Variants in MYORG observed in about 807,000 individuals in gnomAD.
The protein encoded by MYORG is alpha-galactosidase MYORG.
MYORG carries 45 observed loss-of-function variants against 49.8 expected under a neutral mutation model. That is an observed-to-expected ratio of 0.90 (90% CI 0.71 to 1.16). MYORG has a LOEUF of 1.16. Among genes scored for constraint, MYORG ranks in the 50% most tolerant of loss-of-function variants. MYORG has a pLI of 0.00. For synonymous variants in MYORG, 552 were observed against 462.9 expected, an observed-to-expected ratio of 1.19 and a Z score of -2.47; for missense variants, 1,110 against 1,026.5, an observed-to-expected ratio of 1.08 and a Z score of -1.11.
rs372192401 is a variant in MYORG at position 34,372,994 on chromosome 9, A to G, written c.-51T>C. 8.5e-5 allele frequency: 134 copies of G among 1,580,906 alleles called. No individual in the cohort carries two copies. In the Middle Eastern group the frequency reaches 9.2e-4, roughly 11 times the overall value. On this transcript the variant is annotated 5_prime_UTR_variant, in exon 2 of 2. The change abolishes an upstream ATG in the 5' untranslated region. Transcript: ENST00000297625. ...GCCGTGGGGCCATCTGACTGAGTTC[A>G]TCTCAACCTGCTCTGAAAGGAGGAG...
Position 34,371,453 on chromosome 9 carries a change from G to T in MYORG, c.1491C>A (p.Phe497Leu). The T allele has an allele frequency of 6.2e-7, 1 of 1,612,946 alleles. No homozygotes were observed. The highest frequency in any genetic ancestry group is 1.1e-5 in the South Asian group (1 of 91,088). Residue 497 changes from phenylalanine (F) to leucine (L), a missense_variant, in exon 2 of 2, where the codon TTC becomes TTA. Transcript: ENST00000297625. ...SRRYTEMALP[F>L]FSLAEVRVGY... is the part of the protein sequence containing the mutation. ...CTACGCGCACCTCCGCCAGCGAGAA[G>T]AAGGGCAGCGCCATCTCAGTGTAGC...
chr9:34,371,441 C>T lies in MYORG; in HGVS notation c.1503G>A (p.Ala501=). ...GTGACTGGTAGCCTACGCGCACCTCCGCCAGCGAGAAGAAGGGCAGCGCCA... is the reference window on the plus strand; with the variant it reads ...GTGACTGGTAGCCTACGCGCACCTCTGCCAGCGAGAAGAAGGGCAGCGCCA... ...TEMALPFFSL[A]EVRVGYQSQN... The change falls in exon 2 of 2, where the codon GCG becomes GCA. Residue 501 remains alanine (A), a synonymous_variant. Coordinates refer to ENST00000297625, the MANE Select transcript of MYORG (RefSeq NM_020702.5). 4 of 1,613,032 alleles carry T rather than the reference C, an allele frequency of 2.5e-6. No homozygotes were observed. The highest frequency in any genetic ancestry group is 3.4e-6 in the Non-Finnish European group (4 of 1,179,804).
In MYORG at chr9:34,371,323, C is replaced by G; in HGVS notation, c.1621G>C (p.Val541Leu). Residue 541 changes from valine (V) to leucine (L), a missense_variant, in exon 2 of 2, where the codon GTC becomes CTC. By Grantham distance (32) the Val-to-Leu change is conservative (BLOSUM62 1). Transcript: ENST00000297625. ...ATGAATGGGTAGCCCAGCATGCTGACGGTGAGCACCGCGGGGATGAGTGAG... is the reference window on the plus strand; with the variant it reads ...ATGAATGGGTAGCCCAGCATGCTGAGGGTGAGCACCGCGGGGATGAGTGAG... ...LRSLIPAVLT[V>L]SMLGYPFILP... 1 of 1,612,456 alleles carries G rather than the reference C, an allele frequency of 6.2e-7. No individual in the cohort carries two copies. The highest frequency in any genetic ancestry group is 2.2e-5 in the East Asian group (1 of 44,826).
rs771510611 is a variant in MYORG, at chr9:34,373,802, G to A, written c.-63-796C>T. Reference sequence around the variant, plus strand: ...GTAGGCTAGCTTCCCTGTCCCCAGAGGGGGAGAGGAGGGAGGAAGGGAGAA... The same window carrying A: ...GTAGGCTAGCTTCCCTGTCCCCAGAAGGGGAGAGGAGGGAGGAAGGGAGAA... On this transcript the variant is annotated intron_variant, in intron 1 of 1. Coordinates refer to ENST00000297625, the MANE Select transcript of MYORG (RefSeq NM_020702.5). Among the ~76,000 whole-genome samples, 9 of 152,210 alleles carry A rather than the reference G, an allele frequency of 5.9e-5. No individual in the cohort carries two copies. The South Asian group carries it at 6.2e-4, about 10-fold the overall frequency.
chr9:34,370,550 T>C lies in MYORG; in HGVS notation c.*249A>G. The C allele has an allele frequency of 1.9e-6, 1 of 531,344 alleles. No individual in the cohort carries two copies. The highest frequency in any genetic ancestry group is 3.1e-6 in the Non-Finnish European group (1 of 326,638). 32.9% of individuals were successfully genotyped at this position (531,344 alleles called of 1,614,324 possible). ...GCTTCCACCCCAGGGAAGAGGTTTCTGCAGATTGGTGTGAGTGTGGGGGTG... is the reference window on the plus strand; with the variant it reads ...GCTTCCACCCCAGGGAAGAGGTTTCCGCAGATTGGTGTGAGTGTGGGGGTG... On this transcript the variant is annotated 3_prime_UTR_variant, in exon 2 of 2. Coordinates refer to ENST00000297625, the MANE Select transcript of MYORG (RefSeq NM_020702.5).
Position 34,372,448 on chromosome 9 carries a change from C to T in MYORG, c.496G>A (p.Ala166Thr). The change falls in exon 2 of 2, where the codon GCA becomes ACA. Residue 166 changes from alanine to threonine, a missense_variant. Coordinates refer to ENST00000297625, the MANE Select transcript of MYORG (RefSeq NM_020702.5). ...VMCYRVRWEEAAPGRAVEHAM... is the reference protein window; with the variant it reads ...VMCYRVRWEETAPGRAVEHAM... ...TGCTCCACGGCCCGGCCCGGCGCTGCCTCCTCCCAGCGCACGCGGTAGCAC... is the reference window on the plus strand; with the variant it reads ...TGCTCCACGGCCCGGCCCGGCGCTGTCTCCTCCCAGCGCACGCGGTAGCAC... 6.3e-7 allele frequency: 1 copy of T among 1,584,736 alleles called. No homozygotes were observed. The highest frequency in any genetic ancestry group is 8.6e-7 in the Non-Finnish European group (1 of 1,166,788).
rs1820576582 is a variant in MYORG at position 34,370,789 on chromosome 9, C to T, written c.*10G>A. 1 of 1,561,410 alleles carries T rather than the reference C, an allele frequency of 6.4e-7. No individual in the cohort carries two copies. The highest frequency in any genetic ancestry group is 8.7e-7 in the Non-Finnish European group (1 of 1,148,774). The stretch of plus-strand genomic sequence containing the variant: ...CTGGGGGCTTTGCGGTTACCGGGCC[C>T]TGGGCTGGGTCAGGACGCCCAGGTA... On this transcript the variant is annotated 3_prime_UTR_variant, in exon 2 of 2. Transcript: ENST00000297625.
In MYORG at chr9:34,368,426, G is replaced by A. The variant is rs1820532614; in HGVS notation, c.*2373C>T. On this transcript the variant is annotated 3_prime_UTR_variant, in exon 2 of 2. Coordinates refer to ENST00000297625, the MANE Select transcript of MYORG (RefSeq NM_020702.5). ...CAAATTTTCCAAACTTTTATAGTCT[G>A]TTTCCCTTTTAAAACTGAATGCTTT... is the stretch of plus-strand genomic sequence containing the variant. 6.6e-6 allele frequency: 1 copy of A among 152,202 alleles called. No individual in the cohort carries two copies. Among genetic ancestry groups the A allele is most frequent in the Non-Finnish European group, 1.5e-5 (1 of 68,070 alleles). 9.4% of individuals were successfully genotyped at this position (152,202 alleles called of 1,614,324 possible). A position where few individuals can be genotyped will look rare whatever the true frequency, so the allele number is the denominator to read the frequency against.
Position 34,372,333 on chromosome 9 carries a change from T to G in MYORG, c.611A>C (p.Gln204Pro). 2 of 1,604,454 alleles carry G rather than the reference T, an allele frequency of 1.2e-6. No homozygotes were observed. The highest frequency in any genetic ancestry group is 2.2e-5 in the South Asian group (2 of 89,636). ...GCTGGTGACGAACGGCTGGGGCTCC[T>G]GCTGGCCATCCAGGCGGATGGGCCA... is the stretch of plus-strand genomic sequence containing the variant. ...QHWPIRLDGQ[Q>P]EPQPFVTSDV... The change falls in exon 2 of 2, where the codon CAG becomes CCG. Residue 204 changes from glutamine (Q) to proline (P), a missense_variant. Physicochemically the swap from Gln to Pro is moderately conservative, Grantham distance 76. Transcript: ENST00000297625.
chr9:34,374,166 C>G (rs952493221), intron 1 of MYORG, among the ~76,000 whole-genome samples: 2 of 152,316 alleles, frequency 1.3e-5, no homozygotes. Flanking sequence ...AGTTTGGGCA[C>G]TGTCACTTCT....
chr9:34,371,576 G>A lies in MYORG; in HGVS notation c.1368C>T (p.Ser456=), dbSNP rs1458723855. The change falls in exon 2 of 2, where the codon TCC becomes TCT. Residue 456 remains serine (S), a synonymous_variant. Coordinates refer to ENST00000297625, the MANE Select transcript of MYORG (RefSeq NM_020702.5). ...CCGCGTCGAACTTGAAGGAAGCCAC[G>A]GAGTAGCGAGAGCGCAGCCGCCGCA... The part of the protein sequence containing the change: ...GHLRRLRSRY[S]VASFKFDAGE... 4 of 1,604,500 alleles carry A rather than the reference G, an allele frequency of 2.5e-6. No individual in the cohort carries two copies. The African/African-American group carries it at 4.0e-5, about 16-fold the overall frequency.
At chr9:34,373,120 G>C (rs1211918491) in intron 1 of MYORG, 114 bp from the exon 2 acceptor site, 1 of 753,368 alleles carries the variant, frequency 1.3e-6, no homozygotes, top group Non-Finnish European at 2.1e-6. Context: ...TGGAACCTGA[G>C]GGCTTGAAGA....
At position 34,372,214 on chromosome 9, in the gene MYORG, G is replaced by A; in HGVS notation, c.730C>T (p.Pro244Ser). ...AAAIKVNDSV[P>S]FHLGWNSTER... ...GTGCTGTTCCAGCCCAGGTGGAAGG[G>A]CACTGAGTCATTGACTTTGATGGCG... Residue 244 changes from proline to serine, a missense_variant, in exon 2 of 2, where the codon CCC (proline) becomes TCC (serine). Physicochemically the swap from Pro to Ser is moderately conservative, Grantham distance 74 (BLOSUM62 -1). Coordinates refer to ENST00000297625, the MANE Select transcript of MYORG (RefSeq NM_020702.5). The A allele has an allele frequency of 1.2e-6, 2 of 1,611,912 alleles. No individual in the cohort carries two copies. Among genetic ancestry groups the A allele is most frequent in the Non-Finnish European group, 1.7e-6 (2 of 1,179,318 alleles).
In MYORG at chr9:34,371,439, T is replaced by C. The variant is rs575279953; in HGVS notation, c.1505A>G (p.Glu502Gly). 6.2e-7 allele frequency: 1 copy of C among 1,612,968 alleles called. No individual in the cohort carries two copies. Among genetic ancestry groups the C allele is most frequent in the South Asian group, 1.1e-5 (1 of 91,082 alleles). ...CTGTGACTGGTAGCCTACGCGCACC[T>C]CCGCCAGCGAGAAGAAGGGCAGCGC... ...EMALPFFSLAEVRVGYQSQNI... is the reference protein window; with the variant it reads ...EMALPFFSLAGVRVGYQSQNI... Residue 502 changes from glutamate (E) to glycine (G), a missense_variant, in exon 2 of 2, where the codon GAG becomes GGG. Coordinates refer to ENST00000297625, the MANE Select transcript of MYORG (RefSeq NM_020702.5).
Position 34,368,710 on chromosome 9 carries a change from A to T in MYORG, c.*2089T>A, listed in dbSNP as rs1350707363. 6.6e-6 allele frequency: 1 copy of T among 152,380 alleles called. No individual in the cohort carries two copies. Among genetic ancestry groups the T allele is most frequent in the Non-Finnish European group, 1.5e-5 (1 of 68,212 alleles). The allele number at this position is 152,380 out of a possible 1,614,324, so 9.4% of individuals were successfully genotyped here. On this transcript the variant is annotated 3_prime_UTR_variant, in exon 2 of 2. Transcript: ENST00000297625. The stretch of plus-strand genomic sequence containing the variant: ...AGCATTTTGGTCAAAGCCATTTAAC[A>T]AGTCTCTAGGAAGTCCCAAACTTTC...
Position 34,371,784 on chromosome 9 carries a change from A to G in MYORG, c.1160T>C (p.Val387Ala). Residue 387 changes from valine to alanine, a missense_variant, in exon 2 of 2, where the codon GTC becomes GCC. Transcript: ENST00000297625. ...GACAAAAGGGTGCACCCAGAGCGTGACGCGGAAGCCGGCGTCGCGCAGGCG... is the reference window on the plus strand; with the variant it reads ...GACAAAAGGGTGCACCCAGAGCGTGGCGCGGAAGCCGGCGTCGCGCAGGCG... ...FRRLRDAGFR[V>A]TLWVHPFVNY... 1 of 1,613,942 alleles carries G rather than the reference A, an allele frequency of 6.2e-7. No homozygotes were observed. Among genetic ancestry groups the G allele is most frequent in the African/African-American group, 1.3e-5 (1 of 75,078 alleles).
Position 34,370,787 on chromosome 9 carries a change from C to T in MYORG, c.*12G>A, listed in dbSNP as rs560676278. On this transcript the variant is annotated 3_prime_UTR_variant, in exon 2 of 2. Transcript: ENST00000297625. ...GACTGGGGGCTTTGCGGTTACCGGG[C>T]CCTGGGCTGGGTCAGGACGCCCAGG... 1.9e-6 allele frequency: 3 copies of T among 1,559,214 alleles called. No individual in the cohort carries two copies. Among genetic ancestry groups the T allele is most frequent in the Middle Eastern group, 1.7e-4 (1 of 5,828 alleles).
intron 1 of MYORG, 79 bp from the exon 2 acceptor site, chr9:34,373,085 G>C (rs1460420109): frequency 9.4e-7 from 1 of 1,065,028 alleles, no homozygotes; most frequent in Non-Finnish European, 1.4e-6. Context: ...CTAAGAGGAG[G>C]TGTATACTTT....
Position 34,372,282 on chromosome 9 carries a change from A to G in MYORG, c.662T>C (p.Phe221Ser), listed in dbSNP as rs1240385343. 7 of 1,610,514 alleles carry G rather than the reference A, an allele frequency of 4.3e-6. No homozygotes were observed. Among genetic ancestry groups the G allele is most frequent in the Non-Finnish European group, 5.9e-6 (7 of 1,178,940 alleles). Residue 221 changes from phenylalanine (F) to serine (S), a missense_variant, in exon 2 of 2, where the codon TTT (phenylalanine) becomes TCT (serine). Physicochemically the swap from Phe to Ser is radical, Grantham distance 155 (BLOSUM62 -2). Transcript: ENST00000297625. ...CCAGTAGCGCTCGAGGATGCCCCCA[A>G]ACGCGGCGTCGGAGGAGTAGACATC... ...TSDVYSSDAA[F>S]GGILERYWLS...
Sources: gnomAD v4.1 joint callset for allele counts (sites outside exome capture counted in the v4.1 genomes callset) on GRCh38, gnomAD v4.1.1 for gene constraint, MANE v1.5 for transcripts, NCBI Gene and HGNC (gene_info 2026-07-23, HGNC 2026-07-21) for gene names.